The following TMPRSS15 variants were observed in gnomAD, a reference collection of about 807,000 sequenced individuals.
TMPRSS15 encodes enteropeptidase.
In TMPRSS15, 128 loss-of-function variants were observed where a neutral mutation model predicts 125.3. The ratio of observed to expected loss-of-function variants is 1.02; its 90% confidence interval spans 0.89 to 1.18. TMPRSS15 has a LOEUF of 1.18. TMPRSS15 is among the 50% of genes most tolerant of loss of function. The pLI is 0.00. For synonymous variants in TMPRSS15, 446 were observed against 423.2 expected (o/e 1.05, Z -0.66); for missense variants, 1,283 against 1,212.7 (o/e 1.06, Z -0.86).
chr21:18,473,217 T>C (rs1978814170), intron 1 of TMPRSS15, among the ~76,000 whole-genome samples: 1 of 152,128 alleles, frequency 6.6e-6, no homozygotes, highest in South Asian at 2.1e-4. Flanking sequence ...TTAATAAGTA[T>C]CTGGATAAAA....
chr21:18,390,652 G>A (rs964677530), intron 3 of TMPRSS15, among the ~76,000 whole-genome samples: 1 of 152,134 alleles, frequency 6.6e-6, no homozygotes, highest in Non-Finnish European at 1.5e-5. Flanking sequence ...GGGGGAAGAA[G>A]TACCTAAACC....
intron 1 of TMPRSS15, among the ~76,000 whole-genome samples, chr21:18,432,423 G>A (rs1296376690): frequency 6.6e-6 from 1 of 152,148 alleles, no homozygotes; most frequent in Non-Finnish European, 1.5e-5. Flanking sequence ...CTAAATCTCA[G>A]TACCTCAGAT....
chr21:18,434,946 T>C (rs1354951825), intron 1 of TMPRSS15, among the ~76,000 whole-genome samples: 1 of 152,180 alleles, frequency 6.6e-6, no homozygotes, highest in East Asian at 1.9e-4. Flanking sequence ...AAATAGATAT[T>C]ATCTTTTCTA....
chr21:18,476,345 T>TC (rs1810351933), intron 1 of TMPRSS15, among the ~76,000 whole-genome samples: 1 of 152,150 alleles, frequency 6.6e-6, no homozygotes, highest in South Asian at 2.1e-4. Flanking sequence ...CTAGATTTTT[T>TC]CCCTTATTGA....
At position 18,440,234 on chromosome 21, in the gene TMPRSS15, A is replaced by G. The variant is rs865886780; in HGVS notation, c.11-41905T>C. On this transcript the variant is annotated intron_variant, in intron 1 of 7. Transcript: ENST00000422787. ...CTAAAAATACAAAAATTAGCCGGGC[A>G]TGGTGGCGCGCGCCTGTAGTCCCAG... Among the ~76,000 whole-genome samples the G allele has an allele frequency of 4.1e-3, 623 of 151,152 alleles. 8 individuals carry two copies. The highest frequency in any genetic ancestry group is 0.014 in the African/African-American group (567 of 41,146).
intron 6 of TMPRSS15, among the ~76,000 whole-genome samples, chr21:18,370,898 T>TA (rs1205308779): frequency 6.6e-6 from 1 of 152,104 alleles, no homozygotes; most frequent in East Asian, 1.9e-4. Context: ...GAGAAAAGTG[T>TA]AACAAATAAT....
chr21:18,420,053 A>G (rs1185599510), intron 1 of TMPRSS15, among the ~76,000 whole-genome samples: 1 of 152,184 alleles, frequency 6.6e-6, no homozygotes, highest in African/African-American at 2.4e-5. Flanking sequence ...GCCTAGCCTG[A>G]GTGATATGGT....
At chr21:18,309,660 C>T (rs1396749039) in intron 18 of TMPRSS15, among the ~76,000 whole-genome samples, 1 of 151,826 alleles carries the variant, frequency 6.6e-6, no homozygotes, top group Non-Finnish European at 1.5e-5. Context: ...TTTATGCAGC[C>T]AACAAATATA....
chr21:18,353,827 A>T lies in TMPRSS15; in HGVS notation c.917T>A (p.Ile306Asn). 6.2e-7 allele frequency: 1 copy of T among 1,611,658 alleles called. No individual in the cohort carries two copies. Among genetic ancestry groups the T allele is most frequent in the Non-Finnish European group, 8.5e-7 (1 of 1,178,310 alleles). ...GGTGGCAGTAACTTGGTTGGAAAAA[A>T]TTCTTATTGTGCCAGGATTAGTTTC... is the stretch of plus-strand genomic sequence containing the variant. The part of the protein sequence containing the change: ...IWETNPGTIR[I>N]FSNQVTATFL... The change falls in exon 9 of 25, where the codon ATT (isoleucine) becomes AAT (asparagine). Residue 306 changes from isoleucine (I) to asparagine (N), a missense_variant. Ile to Asn is a moderately radical substitution (Grantham distance 149, BLOSUM62 -3). Transcript: ENST00000284885.
intron 1 of TMPRSS15, among the ~76,000 whole-genome samples, chr21:18,435,247 G>A (rs1353785865): frequency 2.0e-5 from 3 of 152,124 alleles, no homozygotes; most frequent in Admixed American, 6.5e-5. Flanking sequence ...TGCCCATTCA[G>A]TATGATATTG....
chr21:18,300,218 C>CTT (rs1351686474), intron 18 of TMPRSS15, among the ~76,000 whole-genome samples: 190 of 150,568 alleles, frequency 1.3e-3, no homozygotes, highest in African/African-American at 3.8e-3. Flanking sequence ...CTTTTTCTTT[C>CTT]TCTCTTTTTC....
intron 18 of TMPRSS15, among the ~76,000 whole-genome samples, chr21:18,312,573 G>A (rs1432805844): frequency 1.3e-5 from 2 of 151,236 alleles, no homozygotes; most frequent in Non-Finnish European, 3.0e-5. Context: ...TATAGCAAAA[G>A]CATATTCTCT....
intron 1 of TMPRSS15, among the ~76,000 whole-genome samples, chr21:18,433,679 A>AAG (rs1569067948): frequency 6.6e-6 from 1 of 151,202 alleles, no homozygotes; most frequent in African/African-American, 2.4e-5. Flanking sequence ...AAAAAAAAAA[A>AAG]AAAAAAAGAA....
upstream of TMPRSS15, among the ~76,000 whole-genome samples, chr21:18,407,997 TGA>T (rs2076156897): frequency 6.6e-6 from 1 of 152,098 alleles, no homozygotes. Flanking sequence ...GAAAGAGACT[TGA>T]GGATAGTTGG....
chr21:18,379,344 A>C, intron 4 of TMPRSS15, 26 bp from the exon 5 acceptor site: 1 of 1,114,552 alleles, frequency 9.0e-7, no homozygotes, highest in Non-Finnish European at 1.2e-6. Context: ...TATTAAAATA[A>C]TTATTACCTA....
intron 10 of TMPRSS15, among the ~76,000 whole-genome samples, chr21:18,351,124 A>G (rs1356479536): frequency 6.6e-6 from 1 of 152,118 alleles, no homozygotes; most frequent in Non-Finnish European, 1.5e-5. Context: ...AATGTCACTC[A>G]CAATTTATGT....
At chr21:18,372,486 AGC>A (rs2075802077) in intron 5 of TMPRSS15, among the ~76,000 whole-genome samples, 162 bp from the exon 6 acceptor site, 4 of 152,206 alleles carry the variant, frequency 2.6e-5, no homozygotes, top group Admixed American at 1.3e-4. Flanking sequence ...GTAAAATTAG[AGC>A]ATTTTAAATT....
At chr21:18,281,636 A>G (rs1201384294) in intron 21 of TMPRSS15, among the ~76,000 whole-genome samples, 3 of 152,170 alleles carry the variant, frequency 2.0e-5, no homozygotes, top group South Asian at 2.1e-4. Context: ...GTGCTACTAT[A>G]TATAATATAT....
intron 4 of TMPRSS15, among the ~76,000 whole-genome samples, chr21:18,381,416 A>G (rs1004005410): frequency 2.0e-5 from 3 of 152,166 alleles, no homozygotes; most frequent in Non-Finnish European, 4.4e-5. Flanking sequence ...CAAGATATCT[A>G]TGTAATTCTT....
Sources: gnomAD v4.1 joint callset for allele counts (sites outside exome capture counted in the v4.1 genomes callset) on GRCh38, gnomAD v4.1.1 for gene constraint, MANE v1.5 for transcripts, NCBI Gene and HGNC (gene_info 2026-07-23, HGNC 2026-07-21) for gene names.